The following ANO6 variants were observed in gnomAD, a reference collection of about 807,000 sequenced individuals.
ANO6 encodes anoctamin 6.
Under a neutral mutation model 117.5 loss-of-function variants are expected in ANO6, and 106 were observed. The observed-to-expected ratio is 0.90, with a 90% CI of 0.77 to 1.06. ANO6 has a LOEUF of 1.06. Ranked by LOEUF, ANO6 falls within the 50% of genes least tolerant of loss-of-function variation. ANO6 has a pLI of 0.00. For synonymous variants in ANO6, 367 were observed against 385.1 expected (o/e 0.95, Z 0.55); for missense variants, 955 against 1,121.1 (o/e 0.85, Z 2.12).
chr12:45,259,570 G>A (rs915510086), intron 1 of ANO6, among the ~76,000 whole-genome samples: 77 of 152,194 alleles, frequency 5.1e-4, no homozygotes, highest in African/African-American at 1.5e-3. Flanking sequence ...CTGGAGCCAC[G>A]GAGGGCCTGG....
At chr12:45,265,674 T>C (rs1938192592) in intron 1 of ANO6, among the ~76,000 whole-genome samples, 1 of 152,176 alleles carries the variant, frequency 6.6e-6, no homozygotes, top group South Asian at 2.1e-4. Context: ...CTCCAGTCCA[T>C]TCTGCACATC....
chr12:45,264,739 A>G (rs1300107110), intron 1 of ANO6, among the ~76,000 whole-genome samples: 1 of 152,208 alleles, frequency 6.6e-6, no homozygotes, highest in Admixed American at 6.5e-5. Flanking sequence ...ATATACAAAA[A>G]AAGTTAGCAT....
chr12:45,381,794 G>A (rs1196680850), intron 10 of ANO6, among the ~76,000 whole-genome samples: 1 of 152,110 alleles, frequency 6.6e-6, no homozygotes, highest in Non-Finnish European at 1.5e-5. Flanking sequence ...TCAAATTCAG[G>A]GAGGAGGGAA....
chr12:45,400,536 A>G (rs1405376753), intron 12 of ANO6, among the ~76,000 whole-genome samples: 1 of 152,248 alleles, frequency 6.6e-6, no homozygotes, highest in African/African-American at 2.4e-5. Flanking sequence ...TTTGGTTGCT[A>G]TAATCATAGC....
chr12:45,379,255 G>A (rs1185692159), intron 10 of ANO6, among the ~76,000 whole-genome samples: 1 of 152,194 alleles, frequency 6.6e-6, no homozygotes, highest in Non-Finnish European at 1.5e-5. Context: ...CTGTTTGGTA[G>A]TGATTGTGCC....
chr12:45,326,806 C>G (rs1052266174), intron 2 of ANO6, among the ~76,000 whole-genome samples: 1 of 152,180 alleles, frequency 6.6e-6, no homozygotes, highest in Non-Finnish European at 1.5e-5. Flanking sequence ...CAAATGGATA[C>G]CAGGGTTCAC....
Position 45,347,053 on chromosome 12 carries a change from T to C in ANO6, c.311T>C (p.Ile104Thr). The C allele has an allele frequency of 6.2e-7, 1 of 1,614,080 alleles. No individual in the cohort carries two copies. Among genetic ancestry groups the C allele is most frequent in the Non-Finnish European group, 8.5e-7 (1 of 1,179,962 alleles). ...AGACAAGCATACGAATCTAACCTTA[T>C]CTGTCATGGCCTGCAGTTAGAAGCA... ...RKRQAYESNL[I>T]CHGLQLEATR... is the part of the protein sequence containing the mutation. The change falls in exon 4 of 20, where the codon ATC (isoleucine) becomes ACC (threonine). Residue 104 changes from isoleucine (I) to threonine (T), a missense_variant. By Grantham distance (89) the Ile-to-Thr change is moderately conservative. Coordinates refer to ENST00000320560, the MANE Select transcript of ANO6 (RefSeq NM_001025356.3).
chr12:45,282,209 G>T (rs1390254972), intron 1 of ANO6, among the ~76,000 whole-genome samples: 1 of 152,226 alleles, frequency 6.6e-6, no homozygotes, highest in Admixed American at 6.5e-5. Flanking sequence ...TACTGAGTCT[G>T]AGATGCCTGG....
intron 2 of ANO6, among the ~76,000 whole-genome samples, chr12:45,308,207 A>C (rs1310260001): frequency 6.6e-6 from 1 of 151,792 alleles, no homozygotes; most frequent in Non-Finnish European, 1.5e-5. Flanking sequence ...TGATGATGCA[A>C]GAGTGAGAGG....
intron 6 of ANO6, 26 bp from the exon 7 acceptor site, chr12:45,350,633 C>T (rs768395448): frequency 6.4e-7 from 1 of 1,555,958 alleles, no homozygotes; most frequent in Non-Finnish European, 8.9e-7. Flanking sequence ...GATTATGGTG[C>T]TTACATGTTC....
intron 2 of ANO6, among the ~76,000 whole-genome samples, chr12:45,319,369 A>G (rs756113374): frequency 2.6e-5 from 4 of 152,208 alleles, no homozygotes; most frequent in Non-Finnish European, 5.9e-5. Flanking sequence ...ATCTATTGAG[A>G]TAATCATGTG....
chr12:45,271,408 T>A (rs1938391600), intron 1 of ANO6, among the ~76,000 whole-genome samples: 1 of 152,204 alleles, frequency 6.6e-6, no homozygotes, highest in Non-Finnish European at 1.5e-5. Flanking sequence ...GATTATTTGA[T>A]GCAAAAGTAA....
chr12:45,420,346 A>G (rs57911796), intron 17 of ANO6, among the ~76,000 whole-genome samples: 23,459 of 152,122 alleles, frequency 0.15, 2,796 homozygotes, highest in East Asian at 0.36. Flanking sequence ...CTAGGCTGAG[A>G]TCAGTGGCTC....
At chr12:45,267,098 A>G (rs73275012) in intron 1 of ANO6, among the ~76,000 whole-genome samples, 4,616 of 152,160 alleles carry the variant, frequency 0.03, 117 homozygotes, top group East Asian at 0.068. Flanking sequence ...TATCTGTTAT[A>G]TTAGTTTGCT....
In ANO6 at chr12:45,432,057, T is replaced by C. The variant is rs1351730479; in HGVS notation, c.*2746T>C. 6.1e-6 allele frequency: 6 copies of C among 985,328 alleles called. No individual in the cohort carries two copies. Among genetic ancestry groups the C allele is most frequent in the Non-Finnish European group, 7.2e-6 (6 of 829,926 alleles). The allele number at this position is 985,328 out of a possible 1,614,324, so 61.0% of individuals were successfully genotyped here. A position where few individuals can be genotyped will look rare whatever the true frequency, so the allele number is the denominator to read the frequency against. On this transcript the variant is annotated 3_prime_UTR_variant, in exon 20 of 20. Transcript: ENST00000320560. ...TTTTTTATTGCATGTGTGCCTTGAA[T>C]TTCATAAAACATTAATTCACAATGG...
intron 10 of ANO6, among the ~76,000 whole-genome samples, chr12:45,380,057 T>A (rs886618690): frequency 3.3e-5 from 5 of 152,190 alleles, no homozygotes; most frequent in Admixed American, 3.3e-4. Context: ...ATCTTTTTTG[T>A]GCCCAGACGC....
intron 16 of ANO6, among the ~76,000 whole-genome samples, chr12:45,416,160 G>A (rs1476893598): frequency 2.0e-5 from 3 of 152,098 alleles, no homozygotes; most frequent in African/African-American, 2.4e-5. Context: ...TTCTATTACT[G>A]TCAAATTCTC....
intron 2 of ANO6, among the ~76,000 whole-genome samples, chr12:45,325,411 C>A (rs1416270972): frequency 6.6e-6 from 1 of 152,082 alleles, no homozygotes; most frequent in African/African-American, 2.4e-5. Context: ...AGCAAGATGC[C>A]TTGAGGATAT....
At chr12:45,337,934 A>G (rs973061239) in intron 3 of ANO6, among the ~76,000 whole-genome samples, 3 of 152,016 alleles carry the variant, frequency 2.0e-5, no homozygotes, top group Admixed American at 2.0e-4. Context: ...AGGGAAGTGG[A>G]AAAAAAGTAT....
Sources: gnomAD v4.1 joint callset for allele counts (sites outside exome capture counted in the v4.1 genomes callset) on GRCh38, gnomAD v4.1.1 for gene constraint, MANE v1.5 for transcripts, NCBI Gene and HGNC (gene_info 2026-07-23, HGNC 2026-07-21) for gene names.